Variants in PLCL1 observed in about 807,000 individuals in gnomAD.
The protein encoded by PLCL1 is inactive phospholipase C-like protein 1.
In PLCL1, 41 loss-of-function variants were observed where a neutral mutation model predicts 84.4. The ratio of observed to expected loss-of-function variants is 0.49; its 90% CI spans 0.38 to 0.63. PLCL1 has a LOEUF of 0.63. Among genes scored for constraint, PLCL1 ranks in the 30% least tolerant of loss-of-function variants. The pLI is 0.00. For missense variants in PLCL1, 1,206 were observed against 1,367.8 expected (o/e 0.88, Z 1.87); for synonymous variants, 490 against 488.3 (o/e 1.00, Z -0.05).
At chr2:198,023,360 C>T (rs928150614) in intron 1 of PLCL1, among the ~76,000 whole-genome samples, 5 of 152,178 alleles carry the variant, frequency 3.3e-5, no homozygotes, top group African/African-American at 9.6e-5. Flanking sequence ...AAGACTAAAA[C>T]ACCAAAAGCA....
intron 1 of PLCL1, among the ~76,000 whole-genome samples, chr2:197,991,754 G>A (rs920228455): frequency 1.2e-4 from 19 of 152,222 alleles, no homozygotes; most frequent in African/African-American, 4.6e-4. Context: ...GTGCTGAGAA[G>A]CCCTTCTCTT....
At chr2:198,111,076 C>T (rs925659359) in intron 5 of PLCL1, among the ~76,000 whole-genome samples, 1 of 151,798 alleles carries the variant, frequency 6.6e-6, no homozygotes, top group Admixed American at 6.6e-5. Flanking sequence ...CTTCCTAGCT[C>T]TGTGTCTTTG....
chr2:197,934,895 G>A (rs1220949516), intron 1 of PLCL1, among the ~76,000 whole-genome samples: 3 of 152,092 alleles, frequency 2.0e-5, no homozygotes, highest in East Asian at 3.9e-4. Context: ...CATCTGACAA[G>A]GGTTTAATAT....
chr2:198,059,903 G>A (rs1692152482), intron 1 of PLCL1, among the ~76,000 whole-genome samples: 1 of 152,186 alleles, frequency 6.6e-6, no homozygotes, highest in Admixed American at 6.5e-5. Flanking sequence ...CTGTGGAATT[G>A]GAGACAGGCC....
At chr2:197,918,317 G>A (rs931956538) in intron 1 of PLCL1, among the ~76,000 whole-genome samples, 7 of 152,110 alleles carry the variant, frequency 4.6e-5, no homozygotes, top group Admixed American at 2.0e-4. Flanking sequence ...CAGCCGAGAG[G>A]AGCCTAAGGC....
At chr2:198,127,182 C>T (rs542658265) in intron 5 of PLCL1, among the ~76,000 whole-genome samples, 11 of 152,178 alleles carry the variant, frequency 7.2e-5, no homozygotes, top group African/African-American at 2.6e-4. Flanking sequence ...GCCCTTCCAT[C>T]CACATACCCT....
At chr2:198,048,493 A>T (rs1161995281) in intron 1 of PLCL1, among the ~76,000 whole-genome samples, 3 of 152,198 alleles carry the variant, frequency 2.0e-5, no homozygotes, top group Non-Finnish European at 4.4e-5. Context: ...AGGCTGTACA[A>T]AGAAGCATGG....
At chr2:197,871,001 A>T (rs975121608) in intron 1 of PLCL1, among the ~76,000 whole-genome samples, 3 of 152,042 alleles carry the variant, frequency 2.0e-5, no homozygotes, top group Admixed American at 1.3e-4. Context: ...AAACTACATG[A>T]GCAAGAGTGA....
chr2:197,831,198 C>A (rs1691051201), intron 1 of PLCL1, among the ~76,000 whole-genome samples: 1 of 152,068 alleles, frequency 6.6e-6, no homozygotes, highest in Non-Finnish European at 1.5e-5. Context: ...GGCCTAAATA[C>A]CCCAATTAAA....
chr2:197,904,020 C>A (rs542432296), intron 1 of PLCL1, among the ~76,000 whole-genome samples: 1 of 150,324 alleles, frequency 6.7e-6, no homozygotes, highest in Admixed American at 6.6e-5. Context: ...CCAGGCTGGT[C>A]TCGAACTCCT....
At chr2:198,063,855 G>A (rs1331920939) in intron 1 of PLCL1, among the ~76,000 whole-genome samples, 2 of 152,130 alleles carry the variant, frequency 1.3e-5, no homozygotes, top group East Asian at 1.9e-4. Context: ...CAATGTTCAG[G>A]CAGAAGCCTT....
intron 1 of PLCL1, chr2:197,810,428 T>C: frequency 2.4e-6 from 1 of 415,572 alleles, no homozygotes; most frequent in Non-Finnish European, 4.5e-6. Flanking sequence ...TTTTGGAAAA[T>C]ATATTAAGGC....
rs192667331 is a variant in PLCL1 at position 197,851,341 on chromosome 2, A to T, written c.240+46002A>T. Among the ~76,000 whole-genome samples, 6 of 152,374 alleles carry T rather than the reference A, an allele frequency of 3.9e-5. No individual in the cohort carries two copies. The East Asian group carries it at 1.2e-3, about 29-fold the overall frequency. On this transcript the variant is annotated intron_variant, in intron 1 of 5. Transcript: ENST00000428675. ...ATAGAAAAAATACAACAAAACAGTCAGTACAGATGCATTTTAGTAATTACG... is the reference window on the plus strand; with the variant it reads ...ATAGAAAAAATACAACAAAACAGTCTGTACAGATGCATTTTAGTAATTACG...
chr2:198,107,178 G>A (rs1156472986), intron 5 of PLCL1, among the ~76,000 whole-genome samples: 2 of 151,910 alleles, frequency 1.3e-5, no homozygotes, highest in Non-Finnish European at 2.9e-5. Flanking sequence ...GAAGTGCTGA[G>A]CAAAAGGTGG....
intron 1 of PLCL1, among the ~76,000 whole-genome samples, chr2:198,029,802 G>C (rs182377581): frequency 9.7e-6 from 1 of 103,614 alleles, no homozygotes; most frequent in Admixed American, 1.0e-4. Context: ...CTGGATTCAA[G>C]TGATTCTCCT....
intron 5 of PLCL1, among the ~76,000 whole-genome samples, chr2:198,137,552 A>G (rs750774949): frequency 3.9e-5 from 6 of 152,118 alleles, no homozygotes; most frequent in Admixed American, 3.9e-4. Flanking sequence ...CATACCATGT[A>G]TATCTGTATC....
At chr2:198,068,210 A>G (rs1692364419) in intron 1 of PLCL1, among the ~76,000 whole-genome samples, 1 of 152,218 alleles carries the variant, frequency 6.6e-6, no homozygotes, top group Non-Finnish European at 1.5e-5. Flanking sequence ...AAATGATTAT[A>G]GATTATAAAT....
At chr2:198,139,730 A>G (rs1298049662) in intron 5 of PLCL1, among the ~76,000 whole-genome samples, 1 of 152,162 alleles carries the variant, frequency 6.6e-6, no homozygotes, top group Non-Finnish European at 1.5e-5. Context: ...AAAGTCTGGT[A>G]TACAGTAATT....
In PLCL1 at chr2:198,084,990, G is replaced by T; in HGVS notation, c.1473G>T (p.Leu491Phe). ...VASEYPLILC[L>F]GNHCSLPQQK... ...CTGAATACCCACTCATTCTTTGCTT[G>T]GGAAATCACTGCTCCTTGCCGCAGC... Residue 491 changes from leucine (L) to phenylalanine (F), a missense_variant, in exon 2 of 6, where the codon TTG (leucine) becomes TTT (phenylalanine). Coordinates refer to ENST00000428675, the MANE Select transcript of PLCL1 (RefSeq NM_006226.4). 4.3e-6 allele frequency: 7 copies of T among 1,614,004 alleles called. No individual in the cohort carries two copies. Among genetic ancestry groups the T allele is most frequent in the Non-Finnish European group, 5.9e-6 (7 of 1,180,002 alleles).
Sources: gnomAD v4.1 joint callset for allele counts (sites outside exome capture counted in the v4.1 genomes callset) on GRCh38, gnomAD v4.1.1 for gene constraint, MANE v1.5 for transcripts, NCBI Gene and HGNC (gene_info 2026-07-23, HGNC 2026-07-21) for gene names.